SPAG16: variants seen among roughly 807,000 people sequenced by gnomAD.
SPAG16 encodes the protein sperm-associated antigen 16 protein.
SPAG16 carries 86 observed loss-of-function variants against 80.4 expected under a neutral mutation model. That is an observed-to-expected ratio of 1.07 (90% CI 0.90 to 1.28). SPAG16 has a LOEUF of 1.28. SPAG16 is among the 50% of genes most tolerant of loss of function. The probability of loss-of-function intolerance (pLI) is 0.00; values close to 1 mark genes in which losing one functional copy is unlikely to be tolerated. For synonymous variants in SPAG16, 294 were observed against 265.9 expected, an observed-to-expected ratio of 1.11 and a Z score of -1.03; for missense variants, 870 against 765.3, an observed-to-expected ratio of 1.14 and a Z score of -1.61.
chr2:213,472,128 T>C (rs1394734070), intron 9 of SPAG16, among the ~76,000 whole-genome samples: 1 of 152,162 alleles, frequency 6.6e-6, no homozygotes, highest in Non-Finnish European at 1.5e-5. Context: ...TCAAGGTGTC[T>C]CCGAAAAAGA....
chr2:213,776,499 C>A (rs2069582600), intron 10 of SPAG16, among the ~76,000 whole-genome samples: 1 of 152,124 alleles, frequency 6.6e-6, no homozygotes, highest in Admixed American at 6.5e-5. Flanking sequence ...TGGAAGATAA[C>A]AAATCTGTGT....
intron 10 of SPAG16, among the ~76,000 whole-genome samples, chr2:213,756,258 A>G (rs1398560748): frequency 6.6e-6 from 1 of 152,192 alleles, no homozygotes; most frequent in Non-Finnish European, 1.5e-5. Flanking sequence ...AGGCAGGTGG[A>G]TCACCTGAGG....
intron 15 of SPAG16, among the ~76,000 whole-genome samples, chr2:214,343,619 T>G (rs1697860936): frequency 6.6e-6 from 1 of 152,116 alleles, no homozygotes; most frequent in Non-Finnish European, 1.5e-5. Context: ...CCTAGCAGGT[T>G]AGGGAGCTGA....
At chr2:213,652,639 C>T (rs533620367) in intron 10 of SPAG16, among the ~76,000 whole-genome samples, 1 of 152,088 alleles carries the variant, frequency 6.6e-6, no homozygotes, top group Admixed American at 6.5e-5. Context: ...TTTCGTAAAG[C>T]TAATTATATC....
chr2:214,061,291 C>T (rs752067704), intron 13 of SPAG16, among the ~76,000 whole-genome samples: 1 of 152,100 alleles, frequency 6.6e-6, no homozygotes, highest in Non-Finnish European at 1.5e-5. Flanking sequence ...TATAACCAGA[C>T]AGATTGGAAA....
chr2:213,825,901 G>T (rs551590705), intron 10 of SPAG16, among the ~76,000 whole-genome samples: 4 of 151,676 alleles, frequency 2.6e-5, no homozygotes, highest in Admixed American at 2.0e-4. Flanking sequence ...TTTCTTTGCT[G>T]GGAGAGTTTT....
intron 15 of SPAG16, among the ~76,000 whole-genome samples, chr2:214,259,363 AATATATATGTATATAAC>A (rs922459430): frequency 1.6e-4 from 24 of 150,396 alleles, no homozygotes; most frequent in African/African-American, 5.6e-4. Flanking sequence ...ACATATATAT[AATATATATGTATATAAC>A]ATAGTGTATA....
At position 213,980,725 on chromosome 2, in the gene SPAG16, T is replaced by TATATATAGAGAG. The variant is rs374274176; in HGVS notation, c.1401-33225_1401-33224insTATATAGAGAGA. On this transcript the variant is annotated intron_variant, in intron 12 of 15. Coordinates refer to ENST00000331683, the MANE Select transcript of SPAG16 (RefSeq NM_024532.5). ...GTGTGTGTGTGTGTATATATATATATAGAGAGAGAGAGAGAGAGAGAGAGA... is the reference window on the plus strand; with the variant it reads ...GTGTGTGTGTGTGTATATATATATATATATATAGAGAGAGAGAGAGAGAGAGAGAGAGAGAGA... Among the ~76,000 whole-genome samples the TATATATAGAGAG allele has an allele frequency of 1.8e-3, 186 of 103,974 alleles. 2 individuals carry two copies. The highest frequency in any genetic ancestry group is 5.8e-3 in the African/African-American group (116 of 20,074). The allele number at this position is 103,974 out of a possible 152,430, so 68.2% of individuals were successfully genotyped here.
At chr2:214,124,382 G>A (rs761943832) in intron 14 of SPAG16, among the ~76,000 whole-genome samples, 3 of 151,562 alleles carry the variant, frequency 2.0e-5, no homozygotes, top group Admixed American at 6.7e-5. Context: ...TCTAAGTAAC[G>A]TGAAAATATC....
intron 13 of SPAG16, among the ~76,000 whole-genome samples, chr2:214,106,893 C>T (rs778785815): frequency 6.6e-6 from 1 of 152,094 alleles, no homozygotes; most frequent in Non-Finnish European, 1.5e-5. Context: ...TTTCTTCCTA[C>T]CTGGAACACT....
Position 214,373,697 on chromosome 2 carries a change from G to C in SPAG16, c.1721-36443G>C, listed in dbSNP as rs974588265. Among the ~76,000 whole-genome samples, 3 of 152,256 alleles carry C rather than the reference G, an allele frequency of 2.0e-5. No individual in the cohort carries two copies. The East Asian group carries it at 5.8e-4, about 29-fold the overall frequency. Reference sequence around the variant, plus strand: ...TGGGAGTGCAAACTGGGAAGGAGAGGCCTTCTTTAATAAAGAGGCAGAGGT... The same window carrying C: ...TGGGAGTGCAAACTGGGAAGGAGAGCCCTTCTTTAATAAAGAGGCAGAGGT... On this transcript the variant is annotated intron_variant, in intron 15 of 15. Transcript: ENST00000331683.
intron 6 of SPAG16, among the ~76,000 whole-genome samples, chr2:213,345,716 C>G (rs1398525446): frequency 6.7e-6 from 1 of 148,556 alleles, no homozygotes; most frequent in African/African-American, 2.5e-5. Flanking sequence ...TTTCTGAGGG[C>G]TCTGTTCTGT....
intron 10 of SPAG16, among the ~76,000 whole-genome samples, chr2:213,509,335 T>G (rs2075125792): frequency 6.6e-6 from 1 of 152,202 alleles, no homozygotes; most frequent in South Asian, 2.1e-4. Flanking sequence ...GATGACCTCA[T>G]AAGCATGTTT....
chr2:213,344,239 A>G (rs2064844504), intron 6 of SPAG16, among the ~76,000 whole-genome samples: 1 of 152,144 alleles, frequency 6.6e-6, no homozygotes, highest in South Asian at 2.1e-4. Flanking sequence ...ATAACAGTAT[A>G]TAATTGCTAT....
chr2:213,322,246 T>C (rs1262392145), intron 5 of SPAG16, among the ~76,000 whole-genome samples: 1 of 151,076 alleles, frequency 6.6e-6, no homozygotes, highest in Non-Finnish European at 1.5e-5. Flanking sequence ...ATAACTATTA[T>C]GAGTTTTATT....
intron 14 of SPAG16, among the ~76,000 whole-genome samples, chr2:214,134,549 A>C (rs1051225112): frequency 1.3e-5 from 2 of 152,196 alleles, no homozygotes; most frequent in African/African-American, 2.4e-5. Context: ...TAAAATCGGC[A>C]CAGGCTCCAT....
chr2:213,532,359 AT>A (rs992226038), intron 10 of SPAG16, among the ~76,000 whole-genome samples: 4 of 152,134 alleles, frequency 2.6e-5, no homozygotes, highest in Admixed American at 6.6e-5. Context: ...GTTAAAAATA[AT>A]TTGATTTGGG....
At chr2:213,308,128 C>A (rs527717570) in intron 3 of SPAG16, among the ~76,000 whole-genome samples, 1 of 152,042 alleles carries the variant, frequency 6.6e-6, no homozygotes, top group Non-Finnish European at 1.5e-5. Flanking sequence ...ACTCAAGAGA[C>A]GATGATTGTT....
chr2:213,564,164 T>G (rs1217226108), intron 10 of SPAG16, among the ~76,000 whole-genome samples: 2 of 152,160 alleles, frequency 1.3e-5, no homozygotes, highest in African/African-American at 4.8e-5. Context: ...TTTCAATGAT[T>G]GACTGAGGAT....
Sources: gnomAD v4.1 joint callset for allele counts (sites outside exome capture counted in the v4.1 genomes callset) on GRCh38, gnomAD v4.1.1 for gene constraint, MANE v1.5 for transcripts, NCBI Gene and HGNC (gene_info 2026-07-23, HGNC 2026-07-21) for gene names.